ENOX1: variants seen among roughly 807,000 people sequenced by gnomAD.
The protein encoded by ENOX1 is ecto-NOX disulfide-thiol exchanger 1, also known as candidate growth-related and time keeping constitutive hydroquinone (NADH) oxidase.
In ENOX1, 42 loss-of-function variants were observed where a neutral mutation model predicts 82.5. The observed-to-expected ratio is 0.51, with a 90% CI of 0.40 to 0.66. The LOEUF (loss-of-function observed/expected upper bound fraction) is 0.66. Ranked by LOEUF, ENOX1 falls within the 30% of genes least tolerant of loss-of-function variation. ENOX1 has a pLI of 0.00. For synonymous variants in ENOX1, 271 were observed against 282.2 expected (o/e 0.96, Z 0.40); for missense variants, 608 against 811.6 (o/e 0.75, Z 3.05).
At chr13:43,376,357 T>C (rs2051633944) in intron 5 of ENOX1, among the ~76,000 whole-genome samples, 1 of 152,212 alleles carries the variant, frequency 6.6e-6, no homozygotes, top group East Asian at 1.9e-4. Flanking sequence ...TGGGAACTTA[T>C]CCTGAGACCT....
At chr13:43,562,454 G>A (rs1231424866) in intron 2 of ENOX1, among the ~76,000 whole-genome samples, 1 of 152,016 alleles carries the variant, frequency 6.6e-6, no homozygotes, top group Admixed American at 6.5e-5. Flanking sequence ...AGGAAGACAG[G>A]AAAGAAGGAA....
At chr13:43,412,423 T>C (rs2054191837) in intron 4 of ENOX1, among the ~76,000 whole-genome samples, 1 of 152,208 alleles carries the variant, frequency 6.6e-6, no homozygotes, top group African/African-American at 2.4e-5. Context: ...TTACTGTTTC[T>C]AGGTGTAATT....
chr13:43,680,343 T>C (rs2085720832), intron 1 of ENOX1, among the ~76,000 whole-genome samples: 1 of 152,208 alleles, frequency 6.6e-6, no homozygotes, highest in Admixed American at 6.5e-5. Context: ...AGAACAGCTT[T>C]GCCCCTAGAG....
intron 14 of ENOX1, among the ~76,000 whole-genome samples, chr13:43,242,413 C>A (rs2042881461): frequency 6.6e-6 from 1 of 152,220 alleles, no homozygotes; most frequent in Non-Finnish European, 1.5e-5. Context: ...ATTTTTCTTA[C>A]CTGTTCCCTT....
intron 1 of ENOX1, among the ~76,000 whole-genome samples, chr13:43,740,642 C>T (rs1424290469): frequency 1.3e-5 from 2 of 152,006 alleles, no homozygotes; most frequent in African/African-American, 4.8e-5. Context: ...TACCCTCCAT[C>T]CTTGTTACTC....
At chr13:43,245,181 T>A (rs1361710492) in intron 14 of ENOX1, among the ~76,000 whole-genome samples, 3 of 152,162 alleles carry the variant, frequency 2.0e-5, no homozygotes, top group Non-Finnish European at 4.4e-5. Flanking sequence ...GAAAACATGA[T>A]GATTTGGACA....
chr13:43,351,560 A>G (rs1260102789), intron 8 of ENOX1, among the ~76,000 whole-genome samples: 15 of 130,558 alleles, frequency 1.1e-4, no homozygotes, highest in Non-Finnish European at 1.8e-4. Context: ...ATATCTCCCA[A>G]TGCTATCCCT....
At chr13:43,491,737 G>A (rs1381225665) in intron 2 of ENOX1, among the ~76,000 whole-genome samples, 3 of 152,166 alleles carry the variant, frequency 2.0e-5, no homozygotes, top group East Asian at 1.9e-4. Context: ...ACTGCAGCCC[G>A]GGCAACAGAG....
chr13:43,594,987 A>T (rs144388296), intron 2 of ENOX1, among the ~76,000 whole-genome samples: 77 of 152,006 alleles, frequency 5.1e-4, no homozygotes, highest in African/African-American at 1.8e-3. Flanking sequence ...GAAGGTTGTC[A>T]GAAGTGAAAG....
At chr13:43,278,130 T>C (rs1365330008) in intron 12 of ENOX1, among the ~76,000 whole-genome samples, 1 of 152,260 alleles carries the variant, frequency 6.6e-6, no homozygotes, top group Non-Finnish European at 1.5e-5. Flanking sequence ...AACAATCTTT[T>C]GCTGATCTAA....
chr13:43,377,774 C>T (rs1362359335), intron 5 of ENOX1, among the ~76,000 whole-genome samples: 1 of 152,144 alleles, frequency 6.6e-6, no homozygotes, highest in Non-Finnish European at 1.5e-5. Flanking sequence ...AGTAGGAACT[C>T]ACACTCAGGT....
intron 2 of ENOX1, among the ~76,000 whole-genome samples, chr13:43,649,174 A>C (rs573940448): frequency 2.6e-5 from 4 of 152,360 alleles, no homozygotes; most frequent in Non-Finnish European, 5.9e-5. Context: ...ATCTATGGGA[A>C]AATAGTACAA....
At chr13:43,403,252 T>G (rs2053597174) in intron 5 of ENOX1, among the ~76,000 whole-genome samples, 1 of 152,078 alleles carries the variant, frequency 6.6e-6, no homozygotes, top group Non-Finnish European at 1.5e-5. Context: ...ATGTATTTGT[T>G]GTAGTATACA....
At chr13:43,708,431 T>G (rs118151608) in intron 1 of ENOX1, among the ~76,000 whole-genome samples, 2,371 of 152,276 alleles carry the variant, frequency 0.016, 19 homozygotes, top group Middle Eastern at 0.031. Context: ...CCTCTTCCAG[T>G]GTACTTTACT....
chr13:43,688,347 T>C (rs1272292890), intron 1 of ENOX1, among the ~76,000 whole-genome samples: 3 of 152,106 alleles, frequency 2.0e-5, no homozygotes, highest in Non-Finnish European at 2.9e-5. Context: ...AAGATGGTAA[T>C]GGTGACATTT....
At chr13:43,760,067 C>G (rs1348861277) in intron 1 of ENOX1, among the ~76,000 whole-genome samples, 1 of 152,196 alleles carries the variant, frequency 6.6e-6, no homozygotes, top group Non-Finnish European at 1.5e-5. Flanking sequence ...GAAGCATCTA[C>G]TTGTCTGAAA....
At chr13:43,687,596 T>G (rs1015060106) in intron 1 of ENOX1, among the ~76,000 whole-genome samples, 1 of 152,174 alleles carries the variant, frequency 6.6e-6, no homozygotes, top group Non-Finnish European at 1.5e-5. Flanking sequence ...GAAGGCACTC[T>G]TCTTATTTTA....
chr13:43,338,361 T>C (rs1594019633), intron 9 of ENOX1, among the ~76,000 whole-genome samples: 2 of 152,106 alleles, frequency 1.3e-5, no homozygotes, highest in African/African-American at 4.8e-5. Flanking sequence ...CGTCTCCGAG[T>C]TGGAAAACCT....
At chr13:43,470,332 A>ATATATATGTATATATATGTGTG (rs2057973263) in intron 3 of ENOX1, among the ~76,000 whole-genome samples, 2 of 40,162 alleles carry the variant, frequency 5.0e-5, no homozygotes, top group African/African-American at 1.8e-4. Flanking sequence ...ATATATATGT[A>ATATATATGTATATATATGTGTG]TATATATACG....
Sources: allele counts gnomAD v4.1 joint callset (sites outside exome capture counted in the v4.1 genomes callset), GRCh38; gene constraint gnomAD v4.1.1; transcripts MANE v1.5; gene names NCBI Gene and HGNC (gene_info 2026-07-23, HGNC 2026-07-21).